The following ZNF142 variants were observed in gnomAD, a reference collection of about 807,000 sequenced individuals.
ZNF142 encodes the protein zinc finger protein 142 (clone pHZ-49).
ZNF142 carries 96 observed loss-of-function variants against 132.1 expected under a neutral mutation model. That is an observed-to-expected ratio of 0.73 (90% CI 0.62 to 0.86). ZNF142 has a LOEUF of 0.86. Among genes scored for constraint, ZNF142 ranks in the 40% least tolerant of loss-of-function variants. The pLI is 0.00. For missense variants in ZNF142, 2,163 were observed against 2,336.2 expected (o/e 0.93, Z 1.53); for synonymous variants, 842 against 890.1 (o/e 0.95, Z 0.96).
Position 218,634,334 on chromosome 2 carries a change from A to C in ZNF142, c.*4005T>G. The C allele has an allele frequency of 6.4e-7, 1 of 1,573,604 alleles. No individual in the cohort carries two copies. Among genetic ancestry groups the C allele is most frequent in the Non-Finnish European group, 8.6e-7 (1 of 1,158,080 alleles). ...CTCAAGAAAATTGCTAGGCTGAGAA[A>C]TGCTATCAGTGGATATTACCAGCAG... On this transcript the variant is annotated 3_prime_UTR_variant, in exon 11 of 11. Transcript: ENST00000411696. This position sits in a 1 kb window ranked among gnomAD's most constrained non-coding sequence, Gnocchi z 4.0.
rs1382932133 is a variant in ZNF142 at position 218,643,293 on chromosome 2, C to A, written c.3823G>T (p.Asp1275Tyr). The A allele has an allele frequency of 5.0e-6, 8 of 1,614,082 alleles. No homozygotes were observed. Among genetic ancestry groups the A allele is most frequent in the Non-Finnish European group, 5.9e-6 (7 of 1,180,042 alleles). The change falls in exon 9 of 11, where the codon GAC becomes TAC. Residue 1275 changes from aspartate to tyrosine, a missense_variant. Physicochemically the swap from Asp to Tyr is radical, Grantham distance 160. Transcript: ENST00000411696. ...QPDVSPLSNG[D>Y]SAPPKNGSTE... ...CTCCCATTCTTCGGGGGAGCAGAGT[C>A]CCCATTGCTCAACGGGGACACATCA... is the stretch of plus-strand genomic sequence containing the variant.
chr2:218,645,855 C>T lies in ZNF142; in HGVS notation c.2051+316G>A, dbSNP rs7582743. 6.8e-3 allele frequency among the ~76,000 whole-genome samples: 1,038 copies of T among 152,286 alleles called. 13 individuals carry two copies. Among genetic ancestry groups the T allele is most frequent in the African/African-American group, 0.023 (958 of 41,556 alleles). On this transcript the variant is annotated intron_variant, in intron 8 of 10. Transcript: ENST00000411696. ...TTGGCTCATTGCAACCTCCACCCCC[C>T]GGCTCAAGCGATTCTAGTGCTTCAG...
chr2:218,654,741 T>C (rs1017087489), intron 4 of ZNF142, among the ~76,000 whole-genome samples: 3 of 151,944 alleles, frequency 2.0e-5, no homozygotes, highest in African/African-American at 4.8e-5. Context: ...ACTACTTTTA[T>C]TTCTTCTTTA....
chr2:218,639,821 C>T (rs187417465), intron 10 of ZNF142, among the ~76,000 whole-genome samples: 6 of 150,268 alleles, frequency 4.0e-5, no homozygotes, highest in South Asian at 2.1e-4. Flanking sequence ...TTTGGGAGGC[C>T]GAGGCGGGCG....
At chr2:218,640,595 C>T in intron 10 of ZNF142, 69 bp downstream of exon 10, 1 of 1,452,048 alleles carries the variant, frequency 6.9e-7, no homozygotes, top group Non-Finnish European at 9.6e-7. Context: ...CAAGGACCAA[C>T]CTTGGTAAGG....
Position 218,634,087 on chromosome 2 carries a change from C to T in ZNF142, c.*4252G>A. On this transcript the variant is annotated 3_prime_UTR_variant, in exon 11 of 11. Transcript: ENST00000411696. This position sits in a 1 kb window ranked among gnomAD's most constrained non-coding sequence, Gnocchi z 4.0. ...GATTCCACCCCACTTCCATCTCCCT[C>T]TCTATACCCTTTTACAGGCAATGAG... 1.9e-6 allele frequency: 3 copies of T among 1,594,316 alleles called. No homozygotes were observed. Among genetic ancestry groups the T allele is most frequent in the Non-Finnish European group, 2.6e-6 (3 of 1,170,374 alleles).
In ZNF142 at chr2:218,648,559, G is replaced by A. The variant is rs6723570; in HGVS notation, c.1873+76C>T. The A allele has an allele frequency of 3.9e-3, 5,449 of 1,413,208 alleles. 164 individuals are homozygous for A. The African/African-American group carries it at 0.067, about 17-fold the overall frequency. 87.5% of individuals were successfully genotyped at this position (1,413,208 alleles called of 1,614,324 possible). A position where few individuals can be genotyped will look rare whatever the true frequency, so the allele number is the denominator to read the frequency against. On this transcript the variant is annotated intron_variant, in intron 7 of 10. Transcript: ENST00000411696. ...GGAATTTTGGGTCAAATGAGAAAAC[G>A]TATGCAAGACCCTTTGTAGCCAGTA...
rs755532556 is a variant in ZNF142, at chr2:218,644,975, C to T, written c.2141G>A (p.Cys714Tyr). 1.9e-6 allele frequency: 3 copies of T among 1,614,156 alleles called. No homozygotes were observed. The highest frequency in any genetic ancestry group is 2.2e-5 in the East Asian group (1 of 44,880). Residue 714 changes from cysteine (C) to tyrosine (Y), a missense_variant, in exon 9 of 11, where the codon TGT becomes TAT. This residue lies in a region of ZNF142 where 749 missense variants were observed against 830.3 expected (regional missense o/e 0.90). Coordinates refer to ENST00000411696, the MANE Select transcript of ZNF142 (RefSeq NM_001379659.1). The surrounding 1 kb of genome is among the most constrained non-coding windows in gnomAD (Gnocchi z 4.6). ...CTTGCAGGCGAAGGCACACACCTCACACATCAGAGACTTGCCCTGATGCCG... is the reference window on the plus strand; with the variant it reads ...CTTGCAGGCGAAGGCACACACCTCATACATCAGAGACTTGCCCTGATGCCG... ...KLRHQGKSLM[C>Y]EVCAFACKRK...
chr2:218,643,607 G>A lies in ZNF142; in HGVS notation c.3509C>T (p.Ser1170Phe). 2 of 1,563,504 alleles carry A rather than the reference G, an allele frequency of 1.3e-6. No individual in the cohort carries two copies. Among genetic ancestry groups the A allele is most frequent in the South Asian group, 1.2e-5 (1 of 82,316 alleles). The change falls in exon 9 of 11, where the codon TCC (serine) becomes TTC (phenylalanine). Residue 1170 changes from serine (S) to phenylalanine (F), a missense_variant. Physicochemically the swap from Ser to Phe is radical, Grantham distance 155. This residue lies in a region of ZNF142 where 809 missense variants were observed against 801.7 expected (regional missense o/e 1.01). Transcript: ENST00000411696. ...SGSPVPPAGN[S>F]LPTEAPKKHC... is the part of the protein sequence containing the mutation. ...CTTCTTAGGGGCCTCTGTGGGCAAG[G>A]AGTTTCCTGCAGGAGGGACTGGGGA...
At position 218,645,929 on chromosome 2, in the gene ZNF142, T is replaced by C. The variant is rs368380038; in HGVS notation, c.2051+242A>G. On this transcript the variant is annotated intron_variant, in intron 8 of 10. Coordinates refer to ENST00000411696, the MANE Select transcript of ZNF142 (RefSeq NM_001379659.1). ...GGCGTCTGCTACCATGCCCAGCTAA[T>C]TTTTGTAGTTTTAGTAGAGATGGGG... Among the ~76,000 whole-genome samples the C allele has an allele frequency of 5.5e-4, 83 of 152,232 alleles. 1 individual carries two copies. The South Asian group carries it at 0.017, about 31-fold the overall frequency.
chr2:218,634,715 T>C lies in ZNF142; in HGVS notation c.*3624A>G. On this transcript the variant is annotated 3_prime_UTR_variant, in exon 11 of 11. Transcript: ENST00000411696. This position sits in a 1 kb window ranked among gnomAD's most constrained non-coding sequence, Gnocchi z 4.0. ...GAGGTGGCTAGGCCTGACCGGAATGTAGAGGCCGGATAGCCTATTAACAGT... is the reference window on the plus strand; with the variant it reads ...GAGGTGGCTAGGCCTGACCGGAATGCAGAGGCCGGATAGCCTATTAACAGT... The C allele has an allele frequency of 6.9e-7, 1 of 1,453,718 alleles. No individual in the cohort carries two copies. Among genetic ancestry groups the C allele is most frequent in the Non-Finnish European group, 9.4e-7 (1 of 1,063,316 alleles). The allele number at this position is 1,453,718 out of a possible 1,614,324, so 90.1% of individuals were successfully genotyped here. A position where few individuals can be genotyped will look rare whatever the true frequency, so the allele number is the denominator to read the frequency against.
chr2:218,656,065 A>G, intron 4 of ZNF142, 85 bp downstream of exon 4: 1 of 1,402,814 alleles, frequency 7.1e-7, no homozygotes, highest in Non-Finnish European at 9.4e-7. Flanking sequence ...TTGTGTTCTC[A>G]TCATATTTAT....
rs765359808 is a variant in ZNF142, at chr2:218,656,180, G to C, written c.250C>G (p.Leu84Val). The C allele has an allele frequency of 1.9e-6, 3 of 1,605,538 alleles. No homozygotes were observed. Among genetic ancestry groups the C allele is most frequent in the Non-Finnish European group, 2.6e-6 (3 of 1,174,378 alleles). ...EIIVETVAGT[L>V]TPGAPGETPG... is the part of the protein sequence containing the mutation. The stretch of plus-strand genomic sequence containing the variant: ...GTCTCTCCAGGAGCACCTGGGGTCA[G>C]GGTTCCAGCTACTGTCTCCACAATG... The change falls in exon 4 of 11, where the codon CTG (leucine) becomes GTG (valine). Residue 84 changes from leucine (L) to valine (V), a missense_variant. Physicochemically the swap from Leu to Val is conservative, Grantham distance 32. Around this residue, in one of 7 missense-constraint regions of ZNF142, gnomAD observed 195 missense variants for 172.4 expected, o/e 1.13. Transcript: ENST00000411696.
chr2:218,649,575 C>T (rs766693505), intron 6 of ZNF142, 116 bp from the exon 7 acceptor site: 1 of 999,154 alleles, frequency 1.0e-6, no homozygotes, highest in Non-Finnish European at 1.4e-6. Flanking sequence ...TGCAGGAAAC[C>T]AAGCAAAAGG....
rs1696732949 is a variant in ZNF142 at position 218,636,182 on chromosome 2, A to G, written c.*2157T>C. 1 of 1,559,098 alleles carries G rather than the reference A, an allele frequency of 6.4e-7. No homozygotes were observed. The highest frequency in any genetic ancestry group is 1.4e-5 in the African/African-American group (1 of 73,604). On this transcript the variant is annotated 3_prime_UTR_variant, in exon 11 of 11. Coordinates refer to ENST00000411696, the MANE Select transcript of ZNF142 (RefSeq NM_001379659.1). ...CTAGATTAAATGAGAACACAAGAAA[A>G]GCAACCCAGTCAAGAAAACTGTCAT...
chr2:218,653,014 C>T (rs2106262847), intron 4 of ZNF142, among the ~76,000 whole-genome samples: 1 of 151,860 alleles, frequency 6.6e-6, no homozygotes, highest in Non-Finnish European at 1.5e-5. Flanking sequence ...GGTGCAGTGG[C>T]TCACGCCTGT....
At chr2:218,640,513 C>A in intron 10 of ZNF142, 151 bp downstream of exon 10, 1 of 663,478 alleles carries the variant, frequency 1.5e-6, no homozygotes, top group African/African-American at 1.8e-5. Flanking sequence ...GGTTGGGGAG[C>A]CATTCTGGCA....
At position 218,635,715 on chromosome 2, in the gene ZNF142, C is replaced by T. The variant is rs1208288111; in HGVS notation, c.*2624G>A. The T allele has an allele frequency of 6.7e-7, 1 of 1,500,230 alleles. No homozygotes were observed. Among genetic ancestry groups the T allele is most frequent in the Non-Finnish European group, 8.9e-7 (1 of 1,122,774 alleles). The allele number at this position is 1,500,230 out of a possible 1,614,324, so 92.9% of individuals were successfully genotyped here. A position where few individuals can be genotyped will look rare whatever the true frequency, so the allele number is the denominator to read the frequency against. On this transcript the variant is annotated 3_prime_UTR_variant, in exon 11 of 11. Coordinates refer to ENST00000411696, the MANE Select transcript of ZNF142 (RefSeq NM_001379659.1). ...GGATGTTTTACAAACCAAAAAGCTTCTTCTCCCCTGGGGTTGGGAGTAGGG... is the reference window on the plus strand; with the variant it reads ...GGATGTTTTACAAACCAAAAAGCTTTTTCTCCCCTGGGGTTGGGAGTAGGG...
In ZNF142 at chr2:218,634,058, G is replaced by C. The variant is rs1696557848; in HGVS notation, c.*4281C>G. 1.3e-6 allele frequency: 2 copies of C among 1,561,926 alleles called. No homozygotes were observed. Among genetic ancestry groups the C allele is most frequent in the Non-Finnish European group, 1.7e-6 (2 of 1,152,854 alleles). On this transcript the variant is annotated 3_prime_UTR_variant, in exon 11 of 11. Coordinates refer to ENST00000411696, the MANE Select transcript of ZNF142 (RefSeq NM_001379659.1). This position sits in a 1 kb window ranked among gnomAD's most constrained non-coding sequence, Gnocchi z 4.0. ...GCATGGTCCTTGGGACTAGGGAAGT[G>C]GGAGATTCCACCCCACTTCCATCTC... is the stretch of plus-strand genomic sequence containing the variant.
Sources: gnomAD v4.1 joint callset for allele counts (sites outside exome capture counted in the v4.1 genomes callset) on GRCh38, gnomAD v4.1.1 for gene constraint, gnomAD v4.1.1 regional missense constraint, Gnocchi (gnomAD v3.1) non-coding constraint, MANE v1.5 for transcripts, NCBI Gene and HGNC (gene_info 2026-07-23, HGNC 2026-07-21) for gene names.